PIK3C3: variants seen among roughly 807,000 people sequenced by gnomAD.
PIK3C3 encodes phosphatidylinositol 3-kinase catalytic subunit type 3.
In PIK3C3, 95 loss-of-function variants were observed where a neutral mutation model predicts 126.1. The ratio of observed to expected loss-of-function variants is 0.75; its 90% confidence interval spans 0.64 to 0.89. PIK3C3 has a LOEUF of 0.89. Among genes scored for constraint, PIK3C3 ranks in the 40% least tolerant of loss-of-function variants. The pLI is 0.00. For synonymous variants in PIK3C3, 374 were observed against 360.0 expected, an observed-to-expected ratio of 1.04 and a Z score of -0.44; for missense variants, 829 against 1,063.2, an observed-to-expected ratio of 0.78 and a Z score of 3.06.
chr18:41,999,370 G>A (rs1438029504), intron 9 of PIK3C3, among the ~76,000 whole-genome samples: 1 of 152,060 alleles, frequency 6.6e-6, no homozygotes, highest in Non-Finnish European at 1.5e-5. Context: ...TTAACTCCAT[G>A]CCTTTTGATT....
intron 4 of PIK3C3, among the ~76,000 whole-genome samples, chr18:41,987,406 G>C (rs898834136): frequency 2.6e-5 from 4 of 151,916 alleles, no homozygotes; most frequent in Non-Finnish European, 5.9e-5. Context: ...CTTATTACCT[G>C]TAACTGTCAT....
intron 4 of PIK3C3, among the ~76,000 whole-genome samples, chr18:41,982,752 T>G (rs1298047475): frequency 6.6e-6 from 1 of 152,202 alleles, no homozygotes; most frequent in Non-Finnish European, 1.5e-5. Flanking sequence ...TTCAGTAAAT[T>G]AATAAATGTA....
intron 17 of PIK3C3, among the ~76,000 whole-genome samples, chr18:42,038,419 G>A (rs1433100170): frequency 1.3e-5 from 2 of 151,742 alleles, no homozygotes; most frequent in Non-Finnish European, 2.9e-5. Flanking sequence ...TTGGCTCACT[G>A]CAACCTCTGC....
At chr18:42,030,252 G>C (rs1358173606) in intron 15 of PIK3C3, among the ~76,000 whole-genome samples, 4 of 152,296 alleles carry the variant, frequency 2.6e-5, no homozygotes, top group East Asian at 1.9e-4. Flanking sequence ...CTTTGTAACT[G>C]TTCTCTCCTG....
At chr18:41,967,633 T>C (rs1375046731) in intron 3 of PIK3C3, among the ~76,000 whole-genome samples, 1 of 152,238 alleles carries the variant, frequency 6.6e-6, no homozygotes, top group Non-Finnish European at 1.5e-5. Context: ...GTCTAATTAA[T>C]AATTGAAATA....
intron 8 of PIK3C3, 61 bp downstream of exon 8, chr18:41,996,055 A>G (rs1982009797): frequency 9.5e-7 from 1 of 1,056,632 alleles, no homozygotes; most frequent in Non-Finnish European, 1.5e-6. Context: ...GTTGAAACTG[A>G]TAGCTATCAC....
chr18:41,989,147 T>A (rs1981647558), intron 5 of PIK3C3, among the ~76,000 whole-genome samples: 1 of 152,136 alleles, frequency 6.6e-6, no homozygotes, highest in African/African-American at 2.4e-5. Flanking sequence ...TGGAGTACAC[T>A]GGTATGCTTA....
chr18:42,039,040 G>A (rs1399031511), intron 18 of PIK3C3, among the ~76,000 whole-genome samples, 190 bp downstream of exon 18: 1 of 151,954 alleles, frequency 6.6e-6, no homozygotes, highest in East Asian at 1.9e-4. Context: ...ACTGATTAAT[G>A]TAACTACTGG....
chr18:42,005,026 A>G (rs1452703883), intron 10 of PIK3C3, among the ~76,000 whole-genome samples: 1 of 152,212 alleles, frequency 6.6e-6, no homozygotes, highest in African/African-American at 2.4e-5. Context: ...GATGACAATT[A>G]TATGTATATG....
intron 24 of PIK3C3, among the ~76,000 whole-genome samples, chr18:42,074,947 C>T (rs1047466368): frequency 3.3e-5 from 5 of 152,028 alleles, no homozygotes; most frequent in African/African-American, 9.7e-5. Flanking sequence ...GGTTGAAAGC[C>T]GTGTAGCCTT....
intron 21 of PIK3C3, chr18:42,057,538 T>A (rs1985126149): frequency 5.2e-6 from 1 of 191,110 alleles, no homozygotes; most frequent in Non-Finnish European, 1.1e-5. Flanking sequence ...GCACAAAAAA[T>A]TTTCTACAAG....
intron 15 of PIK3C3, among the ~76,000 whole-genome samples, chr18:42,030,584 A>G (rs1206820459): frequency 1.3e-5 from 2 of 152,226 alleles, no homozygotes; most frequent in African/African-American, 2.4e-5. Context: ...AGAAGAAGTA[A>G]TGAGTAACGT....
intron 16 of PIK3C3, among the ~76,000 whole-genome samples, chr18:42,036,243 G>A (rs2144459302): frequency 6.6e-6 from 1 of 152,196 alleles, no homozygotes; most frequent in South Asian, 2.1e-4. Context: ...GCATTTTATA[G>A]GAAAGTTTTC....
intron 24 of PIK3C3, among the ~76,000 whole-genome samples, chr18:42,078,493 CAT>C (rs1986119817): frequency 6.7e-6 from 1 of 149,926 alleles, no homozygotes; most frequent in Non-Finnish European, 1.5e-5. Flanking sequence ...GTAGATTTAA[CAT>C]AATTCTTAGG....
At position 42,085,764 on chromosome 18, in the gene PIK3C3, G is replaced by C. The variant is rs1986385149; in HGVS notation, c.*4627G>C. ...GGAGAAATGGAAATAAGCTCAAAATGGGTAGAGTAACCCATTTCTGCATGA... is the reference window on the plus strand; with the variant it reads ...GGAGAAATGGAAATAAGCTCAAAATCGGTAGAGTAACCCATTTCTGCATGA... On this transcript the variant is annotated 3_prime_UTR_variant, in exon 25 of 25. Transcript: ENST00000262039. The C allele has an allele frequency of 6.6e-6, 1 of 152,128 alleles. No homozygotes were observed. Among genetic ancestry groups the C allele is most frequent in the South Asian group, 2.1e-4 (1 of 4,824 alleles). 9.4% of individuals were successfully genotyped at this position (152,128 alleles called of 1,614,324 possible).
In PIK3C3 at chr18:42,013,576, A is replaced by G. The variant is rs559252412; in HGVS notation, c.1305A>G (p.Ile435Met). 1 of 1,603,880 alleles carries G rather than the reference A, an allele frequency of 6.2e-7. No individual in the cohort carries two copies. The highest frequency in any genetic ancestry group is 1.1e-5 in the South Asian group (1 of 89,362). Residue 435 changes from isoleucine to methionine, a missense_variant, in exon 11 of 25, where the codon ATA (isoleucine) becomes ATG (methionine). Ile to Met is a conservative substitution (Grantham distance 10). Transcript: ENST00000262039. ...SVSENVSNSG[I>M]NSAEIDSSQI... ...CAGAAAATGTGTCAAATTCTGGAAT[A>G]AATTCTGCAGAAATAGATAGGTATG... is the stretch of plus-strand genomic sequence containing the variant.
chr18:41,983,940 G>T (rs187052686), intron 4 of PIK3C3, among the ~76,000 whole-genome samples: 1 of 148,968 alleles, frequency 6.7e-6, no homozygotes, highest in East Asian at 1.9e-4. Flanking sequence ...AGAAGTTAGG[G>T]CTAAATTATG....
chr18:42,013,645 T>G (rs1982935938), intron 11 of PIK3C3, 49 bp downstream of exon 11: 1 of 1,384,690 alleles, frequency 7.2e-7, no homozygotes, highest in Admixed American at 2.2e-5. Context: ...AATTTTTCCC[T>G]TTTCAAATTG....
At position 42,083,416 on chromosome 18, in the gene PIK3C3, C is replaced by G. The variant is rs899883561; in HGVS notation, c.*2279C>G. 6.6e-6 allele frequency: 1 copy of G among 152,028 alleles called. No individual in the cohort carries two copies. Among genetic ancestry groups the G allele is most frequent in the Admixed American group, 6.6e-5 (1 of 15,264 alleles). The allele number at this position is 152,028 out of a possible 1,614,324, so 9.4% of individuals were successfully genotyped here. ...CATTAAGTTATTCAGAGTGAGATTT[C>G]TGAGAGGAGAAGAGAGAATGTAGAT... On this transcript the variant is annotated 3_prime_UTR_variant, in exon 25 of 25. Coordinates refer to ENST00000262039, the MANE Select transcript of PIK3C3 (RefSeq NM_002647.4).
Sources: gnomAD v4.1 joint callset for allele counts (sites outside exome capture counted in the v4.1 genomes callset) on GRCh38, gnomAD v4.1.1 for gene constraint, MANE v1.5 for transcripts, NCBI Gene and HGNC (gene_info 2026-07-23, HGNC 2026-07-21) for gene names.